The following MMD2 variants were observed in gnomAD, a reference collection of about 807,000 sequenced individuals.
MMD2 encodes the protein monocyte to macrophage differentiation associated 2.
MMD2 carries 30 observed loss-of-function variants against 33.5 expected under a neutral mutation model. The observed-to-expected ratio is 0.90, with a 90% CI of 0.67 to 1.22. The LOEUF is 1.22. Among genes scored for constraint, MMD2 ranks in the 50% most tolerant of loss-of-function variants. The pLI, the probability that MMD2 is intolerant of heterozygous loss-of-function variation, is 0.00. For missense variants in MMD2, 364 were observed against 325.4 expected, an observed-to-expected ratio of 1.12 and a Z score of -0.91; for synonymous variants, 129 against 123.0, an observed-to-expected ratio of 1.05 and a Z score of -0.32.
At chr7:4,957,142 G>A (rs1786405079) in intron 1 of MMD2, among the ~76,000 whole-genome samples, 1 of 148,036 alleles carries the variant, frequency 6.8e-6, no homozygotes. Flanking sequence ...CTCCAGAGTC[G>A]GCAACAGAGT....
intron 4 of MMD2, among the ~76,000 whole-genome samples, chr7:4,913,805 G>A (rs1013889399): frequency 1.3e-4 from 19 of 150,806 alleles, no homozygotes; most frequent in African/African-American, 4.6e-4. Context: ...GGGACCACAG[G>A]TGCCTGCCAC....
At chr7:4,958,912 G>A in intron 1 of MMD2, 59 bp downstream of exon 1, 5 of 1,270,504 alleles carry the variant, frequency 3.9e-6, no homozygotes, top group Non-Finnish European at 5.0e-6. Flanking sequence ...GGCCTCCGCG[G>A]CCCCCGCCGC....
At chr7:4,916,819 C>A (rs1484669474) in intron 3 of MMD2, among the ~76,000 whole-genome samples, 1 of 152,002 alleles carries the variant, frequency 6.6e-6, no homozygotes, top group African/African-American at 2.4e-5. Flanking sequence ...ACCTGTAATT[C>A]CAGAGCGTTG....
At chr7:4,925,309 CG>C in intron 2 of MMD2, 141 bp downstream of exon 2, 1 of 463,120 alleles carries the variant, frequency 2.2e-6, no homozygotes, top group Non-Finnish European at 3.6e-6. Flanking sequence ...TCCCTCGAGA[CG>C]CCACAGTGGC....
At chr7:4,945,068 C>T (rs1786018975) in intron 1 of MMD2, among the ~76,000 whole-genome samples, 1 of 151,060 alleles carries the variant, frequency 6.6e-6, no homozygotes. Flanking sequence ...CTCCTTCCTC[C>T]TCCTCCCCCC....
chr7:4,915,468 G>A (rs1583361709), intron 4 of MMD2, among the ~76,000 whole-genome samples: 2 of 151,642 alleles, frequency 1.3e-5, no homozygotes, highest in Admixed American at 6.6e-5. Flanking sequence ...GGATGGGCAC[G>A]GTGGCTCACA....
the MMD2 span, among the ~76,000 whole-genome samples, chr7:4,896,557 C>G: frequency 1.3e-5 from 2 of 152,186 alleles, no homozygotes; most frequent in Non-Finnish European, 2.9e-5. Context: ...CAGCATCAAC[C>G]AACAGATGTG....
the MMD2 span, among the ~76,000 whole-genome samples, chr7:4,898,857 C>T: frequency 1.3e-5 from 2 of 152,060 alleles, no homozygotes; most frequent in African/African-American, 4.8e-5. Context: ...CAAGATCACA[C>T]TATCGCACTC....
intron 2 of MMD2, among the ~76,000 whole-genome samples, chr7:4,921,369 C>T (rs904746777): frequency 1.3e-5 from 2 of 151,910 alleles, no homozygotes; most frequent in Non-Finnish European, 2.9e-5. Context: ...ACCTGTAATC[C>T]CAGCACTTTA....
At chr7:4,927,112 C>G (rs1471228209) in intron 1 of MMD2, among the ~76,000 whole-genome samples, 1 of 152,122 alleles carries the variant, frequency 6.6e-6, no homozygotes, top group Non-Finnish European at 1.5e-5. Context: ...ATTCTCCAAC[C>G]CACTGCAGGG....
intron 1 of MMD2, among the ~76,000 whole-genome samples, chr7:4,944,404 G>C (rs1785993951): frequency 1.3e-5 from 2 of 152,158 alleles, no homozygotes; most frequent in Non-Finnish European, 2.9e-5. Context: ...GGAGCCAGGG[G>C]TGAGCCCACC....
chr7:4,945,951 C>T (rs996353574), intron 1 of MMD2, among the ~76,000 whole-genome samples: 6 of 152,204 alleles, frequency 3.9e-5, no homozygotes, highest in Non-Finnish European at 8.8e-5. Context: ...AAGCCAGTTT[C>T]CAGCCCAACT....
chr7:4,893,987 T>A, the MMD2 span, among the ~76,000 whole-genome samples: 6 of 152,128 alleles, frequency 3.9e-5, no homozygotes, highest in Non-Finnish European at 8.8e-5. Flanking sequence ...ATCAGCAAGG[T>A]CTTTGCGACC....
chr7:4,898,592 G>A, the MMD2 span, among the ~76,000 whole-genome samples: 2 of 152,026 alleles, frequency 1.3e-5, no homozygotes, highest in African/African-American at 4.8e-5. Context: ...CCAAGGTGAT[G>A]GTATTAAGAA....
intron 4 of MMD2, among the ~76,000 whole-genome samples, chr7:4,912,745 A>G (rs866850891): frequency 3.3e-5 from 5 of 151,932 alleles, no homozygotes; most frequent in Admixed American, 6.6e-5. Flanking sequence ...TCGCTCTGTC[A>G]CCCAGGCTAA....
chr7:4,898,995 TAGGA>T, the MMD2 span, among the ~76,000 whole-genome samples: 7 of 151,056 alleles, frequency 4.6e-5, no homozygotes, highest in Non-Finnish European at 8.9e-5. Context: ...GGAAGGAAGC[TAGGA>T]AGGAAGGAAG....
At chr7:4,915,908 G>A (rs1275984225) in intron 4 of MMD2, 97 bp downstream of exon 4, 15 of 1,273,352 alleles carry the variant, frequency 1.2e-5, no homozygotes, top group Non-Finnish European at 1.6e-5. Context: ...ACTCCTTTGT[G>A]CCAAGTCAAC....
chr7:4,946,258 C>G lies in MMD2; in HGVS notation c.47+12713G>C, dbSNP rs527859896. Among the ~76,000 whole-genome samples, 2 of 152,264 alleles carry G rather than the reference C, an allele frequency of 1.3e-5. No homozygotes were observed. Among genetic ancestry groups the G allele is most frequent in the East Asian group, 3.9e-4 (2 of 5,180 alleles). On this transcript the variant is annotated intron_variant, in intron 1 of 6. Transcript: ENST00000401401. This position sits in a 1 kb window ranked among gnomAD's most constrained non-coding sequence, Gnocchi z 5.0. ...ACACACACGCACACCCCACCCCGTG[C>G]ACACAATCCCAGGAGCTTCACAGAG...
At chr7:4,917,650 C>G (rs896665096) in intron 3 of MMD2, among the ~76,000 whole-genome samples, 1 of 151,780 alleles carries the variant, frequency 6.6e-6, no homozygotes, top group South Asian at 2.1e-4. Context: ...CGAGATCATG[C>G]CACTGCACTC....
Sources: allele counts gnomAD v4.1 joint callset (sites outside exome capture counted in the v4.1 genomes callset), GRCh38; gene constraint gnomAD v4.1.1; non-coding constraint Gnocchi (gnomAD v3.1); transcripts MANE v1.5; gene names NCBI Gene and HGNC (gene_info 2026-07-23, HGNC 2026-07-21).